The following CABP7 variants were observed in gnomAD, a reference collection of about 807,000 sequenced individuals.
CABP7 encodes calcium-binding protein 7.
A neutral mutation model predicts 23.1 loss-of-function variants in CABP7; 13 were observed. That is an observed-to-expected ratio of 0.56 (90% CI 0.37 to 0.90). The LOEUF is 0.90. Ranked by LOEUF, CABP7 falls within the 40% of genes least tolerant of loss-of-function variation. The pLI, the probability that CABP7 is intolerant of heterozygous loss-of-function variation, is 0.01. For missense variants in CABP7, 248 were observed against 295.6 expected, an observed-to-expected ratio of 0.84 and a Z score of 1.18; for synonymous variants, 123 against 115.3, an observed-to-expected ratio of 1.07 and a Z score of -0.43.
chr22:29,728,751 T>G lies in CABP7; in HGVS notation c.366+9T>G, dbSNP rs2067814063. 2 of 1,580,218 alleles carry G rather than the reference T, an allele frequency of 1.3e-6. No homozygotes were observed. Among genetic ancestry groups the G allele is most frequent in the Admixed American group, 1.7e-5 (1 of 59,972 alleles). On this transcript the variant is annotated intron_variant, in intron 3 of 4. Coordinates refer to ENST00000216144, the MANE Select transcript of CABP7 (RefSeq NM_182527.3). ...ATACTGTCTTCTGGAAGGTATCCCC[T>G]GGCTAGTTGGGACCCAGGGCTGTGC... is the stretch of plus-strand genomic sequence containing the variant.
rs572262889 is a variant in CABP7 at position 29,720,979 on chromosome 22, A to G, written c.109+446A>G. On this transcript the variant is annotated intron_variant, in intron 1 of 4. Transcript: ENST00000216144. This position sits in a 1 kb window ranked among gnomAD's most constrained non-coding sequence, Gnocchi z 5.2. ...CCGCTCGTGTCGCTTTAAAAATTCA[A>G]TCTGCTCGGGCAGCAGCAGAAGGGG... Among the ~76,000 whole-genome samples, 8 of 151,994 alleles carry G rather than the reference A, an allele frequency of 5.3e-5. No homozygotes were observed. The highest frequency in any genetic ancestry group is 1.9e-4 in the East Asian group (1 of 5,148).
rs765805169 is a variant in CABP7, at chr22:29,731,317, C to T, written c.*1748C>T. On this transcript the variant is annotated 3_prime_UTR_variant, in exon 5 of 5. Coordinates refer to ENST00000216144, the MANE Select transcript of CABP7 (RefSeq NM_182527.3). ...AGCTCCTGAACTGGTGGCCAGCCCA[C>T]GGGGTACTGGAAGACAGTGGTTCTG... 1.6e-5 allele frequency: 24 copies of T among 1,531,362 alleles called. No individual in the cohort carries two copies. The highest frequency in any genetic ancestry group is 1.0e-4 in the East Asian group (4 of 38,214). 94.9% of individuals were successfully genotyped at this position (1,531,362 alleles called of 1,614,324 possible).
At chr22:29,728,986 G>T in intron 3 of CABP7, 69 bp from the exon 4 acceptor site, 3 of 1,570,742 alleles carry the variant, frequency 1.9e-6, no homozygotes, top group Non-Finnish European at 1.7e-6. Context: ...CACCGGGTCT[G>T]TATGGCCGTG....
In CABP7 at chr22:29,727,928, C is replaced by A. The variant is rs955373005; in HGVS notation, c.253+123C>A. The A allele has an allele frequency of 3.5e-6, 4 of 1,140,210 alleles. No individual in the cohort carries two copies. The highest frequency in any genetic ancestry group is 4.8e-6 in the Non-Finnish European group (4 of 827,412). 70.6% of individuals were successfully genotyped at this position (1,140,210 alleles called of 1,614,324 possible). ...GGTCTCTCGCTCCCCTGACTCCCAC[C>A]CTCAAAGTCCGTGGCAGGTTGCAGC... is the stretch of plus-strand genomic sequence containing the variant. On this transcript the variant is annotated intron_variant, in intron 2 of 4. Transcript: ENST00000216144. The surrounding 1 kb of genome is among the most constrained non-coding windows in gnomAD (Gnocchi z 4.2).
rs1173362209 is a variant in CABP7, at chr22:29,727,319, G to C, written c.110-343G>C. Among the ~76,000 whole-genome samples, 1 of 152,048 alleles carries C rather than the reference G, an allele frequency of 6.6e-6. No individual in the cohort carries two copies. The highest frequency in any genetic ancestry group is 2.4e-5 in the African/African-American group (1 of 41,402). ...GGGTGGGGAAGCCGTCAGCAGCCGC[G>C]GGGGCCGGGGAGATCCAGCATCCTC... On this transcript the variant is annotated intron_variant, in intron 1 of 4. Transcript: ENST00000216144. This position sits in a 1 kb window ranked among gnomAD's most constrained non-coding sequence, Gnocchi z 4.2.
chr22:29,722,965 G>A (rs892171810), intron 1 of CABP7, among the ~76,000 whole-genome samples: 31 of 152,352 alleles, frequency 2.0e-4, no homozygotes, highest in Middle Eastern at 3.4e-3. Context: ...GCGGCGCTGG[G>A]TTTGAGTCTC....
chr22:29,727,771 G>A lies in CABP7; in HGVS notation c.219G>A (p.Glu73=). 3 of 1,612,328 alleles carry A rather than the reference G, an allele frequency of 1.9e-6. No homozygotes were observed. Among genetic ancestry groups the A allele is most frequent in the Non-Finnish European group, 2.5e-6 (3 of 1,179,162 alleles). The part of the protein sequence containing the change: ...RSLGYMPNEV[E]LEVIIQRLDM... ...TGGGTTACATGCCCAACGAGGTGGA[G>A]CTGGAGGTCATCATCCAGCGGCTGG... The change falls in exon 2 of 5, where the codon GAG becomes GAA. Residue 73 remains glutamate (E), a synonymous_variant. Coordinates refer to ENST00000216144, the MANE Select transcript of CABP7 (RefSeq NM_182527.3). This position sits in a 1 kb window ranked among gnomAD's most constrained non-coding sequence, Gnocchi z 4.2.
intron 3 of CABP7, 30 bp downstream of exon 3, chr22:29,728,772 T>C: frequency 2.0e-6 from 3 of 1,464,750 alleles, no homozygotes; most frequent in Non-Finnish European, 2.9e-6. Context: ...GACCCAGGGC[T>C]GTGCACACTG....
At position 29,727,967 on chromosome 22, in the gene CABP7, A is replaced by G. The variant is rs927853866; in HGVS notation, c.253+162A>G. Among the ~76,000 whole-genome samples, 1 of 152,122 alleles carries G rather than the reference A, an allele frequency of 6.6e-6. No homozygotes were observed. The highest frequency in any genetic ancestry group is 2.4e-5 in the African/African-American group (1 of 41,406). On this transcript the variant is annotated intron_variant, in intron 2 of 4. Transcript: ENST00000216144. The surrounding 1 kb of genome is among the most constrained non-coding windows in gnomAD (Gnocchi z 4.2). ...GCAGGTTGCAGCCCGGTCTGGCCCC[A>G]TTTCTCAGCCTGGAGAATTGAGGCC...
chr22:29,720,115 G>T lies in CABP7; in HGVS notation c.-310G>T, dbSNP rs2067747987. On this transcript the variant is annotated 5_prime_UTR_variant, in exon 1 of 5. Coordinates refer to ENST00000216144, the MANE Select transcript of CABP7 (RefSeq NM_182527.3). The surrounding 1 kb of genome is among the most constrained non-coding windows in gnomAD (Gnocchi z 5.2). ...CGGCGAGCAGCGCGGAGCGCGCGGG[G>T]CACCGAGGAGCGGGCGCGGCGGGCA... The T allele has an allele frequency of 2.0e-5, 3 of 147,892 alleles. No individual in the cohort carries two copies. The South Asian group carries it at 6.2e-4, about 30-fold the overall frequency. The allele number at this position is 147,892 out of a possible 1,614,324, so 9.2% of individuals were successfully genotyped here.
At chr22:29,726,579 T>TC in intron 1 of CABP7, among the ~76,000 whole-genome samples, 1 of 152,222 alleles carries the variant, frequency 6.6e-6, no homozygotes, top group Non-Finnish European at 1.5e-5. Flanking sequence ...ACCTCGCGTG[T>TC]CTCTACTTTT....
Position 29,731,356 on chromosome 22 carries a change from T to C in CABP7, c.*1787T>C, listed in dbSNP as rs1569332706. ...ACAGTGGTTCTGATGGGTTCAGCCCTAGAGAGAGAGAGAGAAGCGGGGAGA... is the reference window on the plus strand; with the variant it reads ...ACAGTGGTTCTGATGGGTTCAGCCCCAGAGAGAGAGAGAGAAGCGGGGAGA... On this transcript the variant is annotated 3_prime_UTR_variant, in exon 5 of 5. Transcript: ENST00000216144. 2.0e-6 allele frequency: 3 copies of C among 1,480,682 alleles called. No individual in the cohort carries two copies. The highest frequency in any genetic ancestry group is 1.5e-5 in the African/African-American group (1 of 68,470). 91.7% of individuals were successfully genotyped at this position (1,480,682 alleles called of 1,614,324 possible).
At chr22:29,721,145 G>A (rs2067759183) in intron 1 of CABP7, among the ~76,000 whole-genome samples, 1 of 152,106 alleles carries the variant, frequency 6.6e-6, no homozygotes, top group Admixed American at 6.5e-5. Context: ...GCGACAACAA[G>A]TGGCCGGACT....
rs1186154676 is a variant in CABP7, at chr22:29,728,939, CAAGT to C, written c.367-115_367-112del. On this transcript the variant is annotated intron_variant, in intron 3 of 4. Transcript: ENST00000216144. ...TCAAGGACTCTCTGGGGGAATGGAG[CAAGT>C]GTTTTCCAGCCCCCCAGAATCTAGA... 20 of 1,345,534 alleles carry C rather than the reference CAAGT, an allele frequency of 1.5e-5. No homozygotes were observed. In the South Asian group the frequency reaches 2.3e-4, roughly 16 times the overall value. 83.3% of individuals were successfully genotyped at this position (1,345,534 alleles called of 1,614,324 possible).
chr22:29,729,452 C>T lies in CABP7; in HGVS notation c.531C>T (p.Asn177=), dbSNP rs775187495. The change falls in exon 5 of 5, where the codon AAC becomes AAT. Residue 177 remains asparagine (N), a synonymous_variant. Coordinates refer to ENST00000216144, the MANE Select transcript of CABP7 (RefSeq NM_182527.3). The part of the protein sequence containing the change: ...ECPVDVETCS[N]QQIRQTCVRK... ...GGCGGGCGGCCACAGCCTGCTCCAACCAGCAGATCCGCCAGACTTGCGTGC... is the reference window on the plus strand; with the variant it reads ...GGCGGGCGGCCACAGCCTGCTCCAATCAGCAGATCCGCCAGACTTGCGTGC... 1.9e-6 allele frequency: 3 copies of T among 1,610,422 alleles called. No individual in the cohort carries two copies. The highest frequency in any genetic ancestry group is 2.5e-6 in the Non-Finnish European group (3 of 1,179,904).
chr22:29,721,297 G>C (rs1396414449), intron 1 of CABP7, among the ~76,000 whole-genome samples: 2 of 152,140 alleles, frequency 1.3e-5, no homozygotes, highest in African/African-American at 4.8e-5. Context: ...AGAGCAGAGG[G>C]CAGGGGCAGG....
At position 29,728,622 on chromosome 22, in the gene CABP7, T is replaced by G. The variant is rs2067812884; in HGVS notation, c.254-8T>G. 3 of 1,580,130 alleles carry G rather than the reference T, an allele frequency of 1.9e-6. No homozygotes were observed. Among genetic ancestry groups the G allele is most frequent in the African/African-American group, 1.3e-5 (1 of 74,344 alleles). ...CCCACTGATTGATTGGACCTGTGCC[T>G]CCACCAGGTGATGGTCAAGTGGACT... On this transcript the variant is annotated splice_polypyrimidine_tract_variant and splice_region_variant and intron_variant, in intron 2 of 4. Coordinates refer to ENST00000216144, the MANE Select transcript of CABP7 (RefSeq NM_182527.3).
rs749053253 is a variant in CABP7, at chr22:29,731,129, C to T, written c.*1560C>T. ...CTCAGTGAGGCTGGGCAGATGGTCTCGGAGCCTCCATGGGGCGTAGCAGGA... is the reference window on the plus strand; with the variant it reads ...CTCAGTGAGGCTGGGCAGATGGTCTTGGAGCCTCCATGGGGCGTAGCAGGA... On this transcript the variant is annotated 3_prime_UTR_variant, in exon 5 of 5. Transcript: ENST00000216144. 2.9e-4 allele frequency: 392 copies of T among 1,337,792 alleles called. No homozygotes were observed. Among genetic ancestry groups the T allele is most frequent in the Non-Finnish European group, 3.3e-4 (334 of 1,017,730 alleles). The allele number at this position is 1,337,792 out of a possible 1,614,324, so 82.9% of individuals were successfully genotyped here.
chr22:29,722,483 T>C (rs1601705870), intron 1 of CABP7, among the ~76,000 whole-genome samples: 1 of 152,332 alleles, frequency 6.6e-6, no homozygotes, highest in Non-Finnish European at 1.5e-5. Flanking sequence ...GGGCCCTCCC[T>C]GGGATGGGCA....
Sources: gnomAD v4.1 joint callset for allele counts (sites outside exome capture counted in the v4.1 genomes callset) on GRCh38, gnomAD v4.1.1 for gene constraint, Gnocchi (gnomAD v3.1) non-coding constraint, MANE v1.5 for transcripts, NCBI Gene and HGNC (gene_info 2026-07-23, HGNC 2026-07-21) for gene names.